HS6ST3: variants seen among roughly 807,000 people sequenced by gnomAD.
HS6ST3 encodes the protein heparan sulfate 6-O-sulfotransferase 3.
HS6ST3 carries 12 observed loss-of-function variants against 36.7 expected under a neutral mutation model. That is an observed-to-expected ratio of 0.33 (90% CI 0.21 to 0.53). The LOEUF is 0.53. HS6ST3 is among the 20% of genes least tolerant of loss of function. The probability of loss-of-function intolerance (pLI) is 0.95; values close to 1 mark genes in which losing one functional copy is unlikely to be tolerated. For missense variants in HS6ST3, 584 were observed against 640.9 expected (o/e 0.91, Z 0.96); for synonymous variants, 240 against 257.5 (o/e 0.93, Z 0.65).
chr13:96,207,182 G>A (rs938393258), intron 1 of HS6ST3, among the ~76,000 whole-genome samples: 1 of 152,048 alleles, frequency 6.6e-6, no homozygotes, highest in Non-Finnish European at 1.5e-5. Context: ...AGACATACAT[G>A]TGGCCAACAA....
Position 96,835,215 on chromosome 13 carries a change from C to T in HS6ST3, c.*2017C>T, listed in dbSNP as rs1246022870. ...TTTCCCAGAAGCATTTGTCTCTAACCCATGTGGGTAGCCCGACCATGACAG... is the reference window on the plus strand; with the variant it reads ...TTTCCCAGAAGCATTTGTCTCTAACTCATGTGGGTAGCCCGACCATGACAG... On this transcript the variant is annotated 3_prime_UTR_variant, in exon 2 of 2. Transcript: ENST00000376705. 1.3e-5 allele frequency: 2 copies of T among 152,236 alleles called. No individual in the cohort carries two copies. Among genetic ancestry groups the T allele is most frequent in the Non-Finnish European group, 2.9e-5 (2 of 68,112 alleles). 9.4% of individuals were successfully genotyped at this position (152,236 alleles called of 1,614,324 possible).
At chr13:96,315,714 C>T (rs946176228) in intron 1 of HS6ST3, among the ~76,000 whole-genome samples, 4 of 152,074 alleles carry the variant, frequency 2.6e-5, no homozygotes, top group African/African-American at 9.7e-5. Flanking sequence ...TTGTGTTAAT[C>T]ATATGGCTGT....
intron 1 of HS6ST3, among the ~76,000 whole-genome samples, chr13:96,096,226 G>A (rs2053790256): frequency 6.6e-6 from 1 of 152,122 alleles, no homozygotes; most frequent in Non-Finnish European, 1.5e-5. Flanking sequence ...GGTGAGGGAG[G>A]CTTGTTCTGT....
At chr13:96,593,593 T>C (rs949407469) in intron 1 of HS6ST3, among the ~76,000 whole-genome samples, 1 of 151,738 alleles carries the variant, frequency 6.6e-6, no homozygotes, top group African/African-American at 2.4e-5. Context: ...TTCTTCAGTA[T>C]GCCCACTTCA....
chr13:96,628,861 G>T (rs2056522125), intron 1 of HS6ST3, among the ~76,000 whole-genome samples: 1 of 151,802 alleles, frequency 6.6e-6, no homozygotes, highest in African/African-American at 2.4e-5. Flanking sequence ...AGATATATGT[G>T]TATATTTGCA....
chr13:96,543,098 G>T (rs991054449), intron 1 of HS6ST3, among the ~76,000 whole-genome samples: 7 of 151,818 alleles, frequency 4.6e-5, no homozygotes, highest in Non-Finnish European at 7.4e-5. Flanking sequence ...CTGTTGTTTG[G>T]CTCCCCTTAG....
chr13:96,256,018 C>T (rs1875266036), intron 1 of HS6ST3, among the ~76,000 whole-genome samples: 1 of 152,212 alleles, frequency 6.6e-6, no homozygotes, highest in African/African-American at 2.4e-5. Flanking sequence ...TTAATGATAG[C>T]ATGCATTTCT....
At chr13:96,740,735 G>A (rs989902705) in intron 1 of HS6ST3, among the ~76,000 whole-genome samples, 3 of 152,120 alleles carry the variant, frequency 2.0e-5, no homozygotes, top group African/African-American at 4.8e-5. Context: ...CATGAAAGTC[G>A]TGTTGAGGAA....
chr13:96,121,771 C>G (rs2053926527), intron 1 of HS6ST3, among the ~76,000 whole-genome samples: 1 of 152,174 alleles, frequency 6.6e-6, no homozygotes, highest in Non-Finnish European at 1.5e-5. Flanking sequence ...TGAATCATTT[C>G]TCATTTACCA....
chr13:96,499,588 T>C lies in HS6ST3; in HGVS notation c.708-332902T>C, dbSNP rs371492031. On this transcript the variant is annotated intron_variant, in intron 1 of 1. Transcript: ENST00000376705. ...GTGGAATACTCAGGGCAAGGCCACA[T>C]GAGGAAAGCGACATGTGAGGCAAGA... 3.1e-4 allele frequency among the ~76,000 whole-genome samples: 47 copies of C among 152,066 alleles called. No homozygotes were observed. The East Asian group carries it at 7.2e-3, about 23-fold the overall frequency.
At chr13:96,815,889 G>T (rs141797980) in intron 1 of HS6ST3, among the ~76,000 whole-genome samples, 1 of 152,142 alleles carries the variant, frequency 6.6e-6, no homozygotes, top group Non-Finnish European at 1.5e-5. Context: ...CCCATGAGCC[G>T]CTAAGAATCT....
At chr13:96,241,487 ATT>A (rs1181712727) in intron 1 of HS6ST3, among the ~76,000 whole-genome samples, 1 of 151,996 alleles carries the variant, frequency 6.6e-6, no homozygotes, top group African/African-American at 2.4e-5. Flanking sequence ...ATTAATATAT[ATT>A]TGTCAAAATA....
At chr13:96,426,102 C>G (rs1223358735) in intron 1 of HS6ST3, among the ~76,000 whole-genome samples, 1 of 151,124 alleles carries the variant, frequency 6.6e-6, no homozygotes, top group Non-Finnish European at 1.5e-5. Context: ...ATGATTCAAC[C>G]TAAATTGTAT....
chr13:96,494,842 T>A (rs774037085), intron 1 of HS6ST3, among the ~76,000 whole-genome samples: 3 of 152,202 alleles, frequency 2.0e-5, no homozygotes, highest in South Asian at 2.1e-4. Flanking sequence ...TATCTGTGCT[T>A]TGGCATCACT....
intron 1 of HS6ST3, among the ~76,000 whole-genome samples, chr13:96,446,565 T>A (rs1303590492): frequency 6.6e-6 from 1 of 152,190 alleles, no homozygotes; most frequent in Non-Finnish European, 1.5e-5. Flanking sequence ...TGTTCAGCAC[T>A]CCCGACAACC....
chr13:96,283,905 G>T (rs1007967182), intron 1 of HS6ST3, among the ~76,000 whole-genome samples: 1 of 152,274 alleles, frequency 6.6e-6, no homozygotes, highest in Middle Eastern at 3.4e-3. Context: ...GTCACCCTTT[G>T]ACTAGCAAGG....
chr13:96,718,334 A>C (rs1875755487), intron 1 of HS6ST3, among the ~76,000 whole-genome samples: 1 of 152,186 alleles, frequency 6.6e-6, no homozygotes, highest in South Asian at 2.1e-4. Flanking sequence ...TGCAGGCCTC[A>C]GATCAAAGCT....
intron 1 of HS6ST3, among the ~76,000 whole-genome samples, chr13:96,759,103 A>G (rs1876903791): frequency 6.6e-6 from 1 of 151,760 alleles, no homozygotes; most frequent in Admixed American, 6.6e-5. Flanking sequence ...TCTTACATTG[A>G]TATATTACTA....
chr13:96,792,493 T>C (rs113543765), intron 1 of HS6ST3, among the ~76,000 whole-genome samples: 78 of 152,046 alleles, frequency 5.1e-4, no homozygotes, highest in African/African-American at 1.6e-3. Flanking sequence ...TCCCTGGCCA[T>C]CTATTGCTTA....
Sources: allele counts gnomAD v4.1 joint callset (sites outside exome capture counted in the v4.1 genomes callset), GRCh38; gene constraint gnomAD v4.1.1; transcripts MANE v1.5; gene names NCBI Gene and HGNC (gene_info 2026-07-23, HGNC 2026-07-21).